KRT8: variants seen among roughly 807,000 people sequenced by gnomAD.
KRT8 encodes the protein keratin 8.
Under a neutral mutation model 43.0 loss-of-function variants are expected in KRT8, and 24 were observed. That is an observed-to-expected ratio of 0.56 (90% CI 0.40 to 0.78). The LOEUF is 0.78. KRT8 is among the 30% of genes least tolerant of loss of function. The probability of loss-of-function intolerance (pLI) is 0.00; values close to 1 mark genes in which losing one functional copy is unlikely to be tolerated. For missense variants in KRT8, 492 were observed against 638.4 expected, an observed-to-expected ratio of 0.77 and a Z score of 2.47; for synonymous variants, 214 against 261.2, an observed-to-expected ratio of 0.82 and a Z score of 1.74.
At chr12:52,926,335 C>CCCCCCCCCCCCCCCCCCCGACCCT in intron 2 of KRT8, 1 of 703,244 alleles carries the variant, frequency 1.4e-6, no homozygotes. Context: ...ACTAGCTGCC[C>CCCCCCCCCCCCCCCCCCCGACCCT]TCCCCACCCC....
chr12:52,918,372 C>T (rs920224839), intron 2 of KRT8, among the ~76,000 whole-genome samples: 64 of 152,136 alleles, frequency 4.2e-4, no homozygotes, highest in Admixed American at 1.2e-3. Context: ...TGCAGGCCTA[C>T]TGTATGCGCT....
At chr12:52,912,963 C>G (rs1941664922) in intron 2 of KRT8, among the ~76,000 whole-genome samples, 1 of 152,160 alleles carries the variant, frequency 6.6e-6, no homozygotes, top group Non-Finnish European at 1.5e-5. Flanking sequence ...CAGAAAGCAA[C>G]CTGGTTTTGT....
At chr12:52,932,482 T>C (rs1323306710) in intron 2 of KRT8, among the ~76,000 whole-genome samples, 10 of 152,198 alleles carry the variant, frequency 6.6e-5, no homozygotes, top group Non-Finnish European at 1.5e-4. Context: ...GTTTGTTTTT[T>C]TCTTTCTGAC....
intron 2 of KRT8, among the ~76,000 whole-genome samples, chr12:52,918,072 AAGAGGAGGAGG>A (rs1565725350): frequency 5.2e-5 from 7 of 133,370 alleles, no homozygotes; most frequent in African/African-American, 2.1e-4. Flanking sequence ...GGAGAAGAAG[AAGAGGAGGAGG>A]AGGAGAAGAA....
chr12:52,929,120 A>C (rs988298295), intron 2 of KRT8, among the ~76,000 whole-genome samples: 3 of 151,828 alleles, frequency 2.0e-5, no homozygotes, highest in African/African-American at 7.3e-5. Context: ...ACTCTTTTCA[A>C]ATCTTTTCTT....
intron 2 of KRT8, chr12:52,926,335 C>CAACCCCCCCCCCCCCCCCCCCCAG: frequency 1.4e-6 from 1 of 703,244 alleles, no homozygotes; most frequent in Non-Finnish European, 2.4e-6. Context: ...ACTAGCTGCC[C>CAACCCCCCCCCCCCCCCCCCCCAG]TCCCCACCCC....
chr12:52,927,805 G>T (rs765459613), intron 2 of KRT8, among the ~76,000 whole-genome samples: 4 of 152,194 alleles, frequency 2.6e-5, no homozygotes, highest in Non-Finnish European at 2.9e-5. Flanking sequence ...TCAGCCAGGC[G>T]CGATGGCTCA....
chr12:52,936,628 T>G (rs1942173964), intron 2 of KRT8, among the ~76,000 whole-genome samples: 2 of 152,182 alleles, frequency 1.3e-5, no homozygotes, highest in African/African-American at 4.8e-5. Context: ...TTCTCCTGCC[T>G]CAGCCTCCTG....
At chr12:52,899,838 C>A (rs376177574) in exon 5 of KRT8, 79 of 1,611,690 alleles carry the variant, frequency 4.9e-5, no homozygotes, top group Non-Finnish European at 6.5e-5. Flanking sequence ...TCTCAGAGAT[C>A]TCAGTCTTTG....
chr12:52,903,706 A>G (rs1667347168), intron 1 of KRT8: 1 of 152,392 alleles, frequency 6.6e-6, no homozygotes, highest in African/African-American at 2.4e-5. Flanking sequence ...CACGGGCTGA[A>G]TGGGCGAGGG....
chr12:52,946,712 G>GA (rs1942349687), intron 2 of KRT8: 2 of 152,318 alleles, frequency 1.3e-5, no homozygotes, highest in South Asian at 4.1e-4. Flanking sequence ...AGACCCCTCT[G>GA]ACTGGAACCT....
chr12:52,925,595 G>A (rs1200876725), intron 2 of KRT8, among the ~76,000 whole-genome samples: 3 of 152,272 alleles, frequency 2.0e-5, no homozygotes, highest in Non-Finnish European at 4.4e-5. Flanking sequence ...TGGCGGAGGT[G>A]GGGTCAAAGA....
At chr12:52,899,408 C>T (rs553293144) in intron 5 of KRT8, among the ~76,000 whole-genome samples, 9 of 152,294 alleles carry the variant, frequency 5.9e-5, no homozygotes, top group Admixed American at 3.3e-4. Flanking sequence ...TTCTCACCTG[C>T]GACACTGTAA....
chr12:52,906,693 T>C, upstream of KRT8: 1 of 455,892 alleles, frequency 2.2e-6, no homozygotes, highest in Non-Finnish European at 4.4e-6. Flanking sequence ...CAGGGTGTGA[T>C]GTGGGGACTG....
intron 2 of KRT8, among the ~76,000 whole-genome samples, chr12:52,919,557 C>T (rs1485751242): frequency 1.3e-5 from 2 of 152,070 alleles, no homozygotes; most frequent in Admixed American, 1.3e-4. Context: ...TGTGAGCCAC[C>T]ATGCCCAGCC....
At chr12:52,904,412 C>T (rs1393757043) in intron 1 of KRT8, among the ~76,000 whole-genome samples, 1 of 152,192 alleles carries the variant, frequency 6.6e-6, no homozygotes, top group African/African-American at 2.4e-5. Flanking sequence ...TTCCAAGACC[C>T]TCCAGTTTAA....
chr12:52,944,494 G>C (rs1592189594), intron 2 of KRT8, among the ~76,000 whole-genome samples: 1 of 152,188 alleles, frequency 6.6e-6, no homozygotes, highest in Non-Finnish European at 1.5e-5. Flanking sequence ...ATGGCATTGG[G>C]ATACTGGGGT....
intron 2 of KRT8, among the ~76,000 whole-genome samples, chr12:52,942,322 A>C (rs1942281290): frequency 6.6e-6 from 1 of 152,142 alleles, no homozygotes; most frequent in Non-Finnish European, 1.5e-5. Context: ...ACCCAACTTG[A>C]CCAAGGTCAC....
At chr12:52,938,155 TATATATATA>T (rs1942202747) in intron 2 of KRT8, among the ~76,000 whole-genome samples, 6 of 34,048 alleles carry the variant, frequency 1.8e-4, no homozygotes, top group Non-Finnish European at 2.7e-4. Flanking sequence ...TATATATATA[TATATATATA>T]TATATATTTT....
Sources: allele counts gnomAD v4.1 joint callset (sites outside exome capture counted in the v4.1 genomes callset), GRCh38; gene constraint gnomAD v4.1.1; transcripts MANE v1.5; gene names NCBI Gene and HGNC (gene_info 2026-07-23, HGNC 2026-07-21).